The following HIF3A variants were observed in gnomAD, a reference collection of about 807,000 sequenced individuals.
The protein encoded by HIF3A is hypoxia inducible factor 3 subunit alpha.
A neutral mutation model predicts 67.2 loss-of-function variants in HIF3A; 41 were observed. The ratio of observed to expected loss-of-function variants is 0.61; its 90% CI spans 0.48 to 0.79. The LOEUF (loss-of-function observed/expected upper bound fraction) is 0.79, where lower values mean the gene tolerates loss of function less well. Among genes scored for constraint, HIF3A ranks in the 30% least tolerant of loss-of-function variants. The probability of loss-of-function intolerance (pLI) is 0.00; values close to 1 mark genes in which losing one functional copy is unlikely to be tolerated. For synonymous variants in HIF3A, 356 were observed against 374.8 expected, an observed-to-expected ratio of 0.95 and a Z score of 0.58; for missense variants, 855 against 898.0, an observed-to-expected ratio of 0.95 and a Z score of 0.61.
In HIF3A at chr19:46,308,266, G is replaced by A. The variant is rs1254266766; in HGVS notation, c.409G>A (p.Asp137Asn). 3 of 1,613,862 alleles carry A rather than the reference G, an allele frequency of 1.9e-6. No homozygotes were observed. Among genetic ancestry groups the A allele is most frequent in the Non-Finnish European group, 2.5e-6 (3 of 1,179,866 alleles). The change falls in exon 4 of 15, where the codon GAC becomes AAC. Residue 137 changes from aspartate (D) to asparagine (N), a missense_variant. Coordinates refer to ENST00000377670, the MANE Select transcript of HIF3A (RefSeq NM_152795.4). ...HSIFDFIHPC[D>N]QEELQDALTP... ...CATCTTTGATTTCATCCACCCCTGT[G>A]ACCAAGAGGAGCTTCAGGACGCCCT...
chr19:46,330,637 G>A (rs769209442), intron 12 of HIF3A, among the ~76,000 whole-genome samples: 42 of 151,746 alleles, frequency 2.8e-4, no homozygotes, highest in African/African-American at 9.2e-4. Context: ...ATGGATGGAT[G>A]GATGGTGGAT....
intron 3 of HIF3A, 113 bp from the exon 4 acceptor site, chr19:46,308,108 G>A (rs1328923904): frequency 1.3e-6 from 1 of 785,860 alleles, no homozygotes; most frequent in Non-Finnish European, 2.3e-6. Flanking sequence ...ATAAATGAAT[G>A]GGGAGACTGG....
At chr19:46,306,090 C>CA (rs1249493529) in intron 3 of HIF3A, among the ~76,000 whole-genome samples, 2 of 151,858 alleles carry the variant, frequency 1.3e-5, no homozygotes, top group Admixed American at 1.3e-4. Context: ...AACAAACAAA[C>CA]AAAAAAATAA....
chr19:46,305,360 G>A lies in HIF3A; in HGVS notation c.333G>A (p.Glu111=), dbSNP rs1400215683. 4 of 1,614,096 alleles carry A rather than the reference G, an allele frequency of 2.5e-6. No homozygotes were observed. Among genetic ancestry groups the A allele is most frequent in the Middle Eastern group, 1.6e-4 (1 of 6,062 alleles). The change falls in exon 3 of 15, where the codon GAG becomes GAA. Residue 111 remains glutamate, a synonymous_variant. Transcript: ENST00000377670. ...TAEGDMAYLS[E]NVSKHLGLSQ... The stretch of plus-strand genomic sequence containing the variant: ...AGGGAGACATGGCTTACCTGTCGGA[G>A]AATGTCAGCAAACACCTGGGCCTCA...
At chr19:46,319,570 C>G (rs1164449686) in intron 8 of HIF3A, among the ~76,000 whole-genome samples, 1 of 152,134 alleles carries the variant, frequency 6.6e-6, no homozygotes, top group Non-Finnish European at 1.5e-5. Flanking sequence ...ATAGAAACAG[C>G]ATAAATAAAA....
intron 3 of HIF3A, 104 bp downstream of exon 3, chr19:46,305,494 C>A: frequency 9.0e-7 from 1 of 1,108,498 alleles, no homozygotes; most frequent in Non-Finnish European, 1.3e-6. Flanking sequence ...ACTCACAATA[C>A]AAAGGGGATA....
intron 11 of HIF3A, chr19:46,328,982 T>C: frequency 2.4e-6 from 1 of 425,316 alleles, no homozygotes; most frequent in Non-Finnish European, 4.1e-6. Flanking sequence ...CTCAGCCTCC[T>C]AAAAGCTCTG....
At chr19:46,334,025 C>T (rs558364004) in intron 13 of HIF3A, among the ~76,000 whole-genome samples, 2 of 152,048 alleles carry the variant, frequency 1.3e-5, no homozygotes, top group South Asian at 4.2e-4. Flanking sequence ...AATCTCCTGA[C>T]CTCGTGATCC....
intron 1 of HIF3A, among the ~76,000 whole-genome samples, chr19:46,302,376 CG>C (rs1239974578): frequency 6.6e-6 from 1 of 152,056 alleles, no homozygotes; most frequent in Non-Finnish European, 1.5e-5. Flanking sequence ...GTGATCCGCC[CG>C]CCTCGGCCTC....
Position 46,312,607 on chromosome 19 carries a change from C to T in HIF3A, c.979C>T (p.Arg327Trp), listed in dbSNP as rs762091448. ...QTQATVVSGG[R>W]GPQSESIVCV... is the part of the protein sequence containing the mutation. Reference sequence around the variant, plus strand: ...CCAGGCCACAGTGGTGTCAGGGGGACGGGGCCCCCAGTCGGAGAGTATCGT... The same window carrying T: ...CCAGGCCACAGTGGTGTCAGGGGGATGGGGCCCCCAGTCGGAGAGTATCGT... The change falls in exon 8 of 15, where the codon CGG becomes TGG. Residue 327 changes from arginine (R) to tryptophan (W), a missense_variant. This residue lies in a region of HIF3A where 638 missense variants were observed against 660.5 expected (regional missense o/e 0.97). Coordinates refer to ENST00000377670, the MANE Select transcript of HIF3A (RefSeq NM_152795.4). 15 of 1,594,802 alleles carry T rather than the reference C, an allele frequency of 9.4e-6. No individual in the cohort carries two copies. Among genetic ancestry groups the T allele is most frequent in the South Asian group, 5.6e-5 (5 of 88,822 alleles).
rs1568557469 is a variant in HIF3A, at chr19:46,342,196, C to G, written c.*2574C>G. The G allele has an allele frequency of 6.6e-6, 1 of 152,156 alleles. No individual in the cohort carries two copies. The highest frequency in any genetic ancestry group is 1.5e-5 in the Non-Finnish European group (1 of 68,032). The allele number at this position is 152,156 out of a possible 1,614,324, so 9.4% of individuals were successfully genotyped here. A position where few individuals can be genotyped will look rare whatever the true frequency, so the allele number is the denominator to read the frequency against. ...TGGCTCTAGACTTCATCATTTCCAG[C>G]TCCTCCTCACTCAAGATCTGACTCC... On this transcript the variant is annotated 3_prime_UTR_variant, in exon 15 of 15. Coordinates refer to ENST00000377670, the MANE Select transcript of HIF3A (RefSeq NM_152795.4).
At position 46,329,301 on chromosome 19, in the gene HIF3A, A is replaced by G. The variant is rs763843786; in HGVS notation, c.1535A>G (p.Tyr512Cys). 12 of 1,613,248 alleles carry G rather than the reference A, an allele frequency of 7.4e-6. No homozygotes were observed. Among genetic ancestry groups the G allele is most frequent in the Non-Finnish European group, 9.3e-6 (11 of 1,179,974 alleles). The change falls in exon 12 of 15, where the codon TAC (tyrosine) becomes TGC (cysteine). Residue 512 changes from tyrosine (Y) to cysteine (C), a missense_variant. Physicochemically the swap from Tyr to Cys is radical, Grantham distance 194. Transcript: ENST00000377670. ...GCCAGCGAGCAGCTACCCAGGGCCT[A>G]CCACAGACCTCTGGGGGCTGTCCCC... ...LNASEQLPRA[Y>C]HRPLGAVPRP... is the part of the protein sequence containing the mutation.
intron 3 of HIF3A, among the ~76,000 whole-genome samples, chr19:46,306,228 G>A (rs2147136278): frequency 6.6e-6 from 1 of 152,336 alleles, no homozygotes; most frequent in Admixed American, 6.5e-5. Context: ...GGGCCCCGGG[G>A]AGCTATAGAA....
intron 2 of HIF3A, among the ~76,000 whole-genome samples, chr19:46,304,762 T>C (rs1968681208): frequency 6.6e-6 from 1 of 152,124 alleles, no homozygotes; most frequent in Non-Finnish European, 1.5e-5. Context: ...ATTTTACTTT[T>C]CTTGGAGGCT....
rs567490891 is a variant in HIF3A at position 46,321,506 on chromosome 19, C to T, written c.1145-270C>T. Among the ~76,000 whole-genome samples, 9 of 152,304 alleles carry T rather than the reference C, an allele frequency of 5.9e-5. No individual in the cohort carries two copies. In the South Asian group the frequency reaches 1.9e-3, roughly 32 times the overall value. Reference sequence around the variant, plus strand: ...GACTGAGGCAGGAGAATTGCTCGAACCCAGGAGGCAGAGGCTGCAGTGAAC... The same window carrying T: ...GACTGAGGCAGGAGAATTGCTCGAATCCAGGAGGCAGAGGCTGCAGTGAAC... On this transcript the variant is annotated intron_variant, in intron 9 of 14. Transcript: ENST00000377670.
intron 14 of HIF3A, among the ~76,000 whole-genome samples, chr19:46,337,618 G>A (rs1268266758): frequency 3.3e-5 from 5 of 152,100 alleles, no homozygotes; most frequent in African/African-American, 1.2e-4. Flanking sequence ...GAAAGGTGAG[G>A]GCTGACTGCA....
Position 46,331,286 on chromosome 19 carries a change from A to G in HIF3A, c.1830+13A>G. On this transcript the variant is annotated intron_variant, in intron 13 of 14. Coordinates refer to ENST00000377670, the MANE Select transcript of HIF3A (RefSeq NM_152795.4). ...TCCTCTCAGCCTGGTGTGTTGGGGG[A>G]TTAATGGGATTCTCTGGCCCTCATT... 6.3e-7 allele frequency: 1 copy of G among 1,595,438 alleles called. No individual in the cohort carries two copies. The highest frequency in any genetic ancestry group is 8.6e-7 in the Non-Finnish European group (1 of 1,163,380).
chr19:46,317,854 T>C (rs1254115473), intron 8 of HIF3A, among the ~76,000 whole-genome samples: 1 of 152,150 alleles, frequency 6.6e-6, no homozygotes, highest in Non-Finnish European at 1.5e-5. Flanking sequence ...TTCTTCTTTT[T>C]TTGAGACAGA....
chr19:46,317,548 C>G lies in HIF3A; in HGVS notation c.1026-2895C>G, dbSNP rs189510567. 2.8e-3 allele frequency among the ~76,000 whole-genome samples: 429 copies of G among 152,032 alleles called. 3 individuals are homozygous for G. Among genetic ancestry groups the G allele is most frequent in the Middle Eastern group, 0.014 (4 of 292 alleles). Reference sequence around the variant, plus strand: ...GGCAGTTCCTCCTTCCCAGAATGCTCTCTTCTCTTCCCTCCTCTCCTTTCT... The same window carrying G: ...GGCAGTTCCTCCTTCCCAGAATGCTGTCTTCTCTTCCCTCCTCTCCTTTCT... On this transcript the variant is annotated intron_variant, in intron 8 of 14. Coordinates refer to ENST00000377670, the MANE Select transcript of HIF3A (RefSeq NM_152795.4).
Sources: allele counts gnomAD v4.1 joint callset (sites outside exome capture counted in the v4.1 genomes callset), GRCh38; gene constraint gnomAD v4.1.1; regional missense constraint gnomAD v4.1.1; transcripts MANE v1.5; gene names NCBI Gene and HGNC (gene_info 2026-07-23, HGNC 2026-07-21).